ADARB2: variants seen among roughly 807,000 people sequenced by gnomAD.
The protein encoded by ADARB2 is adenosine deaminase RNA specific B2 (inactive).
A neutral mutation model predicts 62.2 loss-of-function variants in ADARB2; 25 were observed. That is an observed-to-expected ratio of 0.40 (90% CI 0.29 to 0.56). The LOEUF (loss-of-function observed/expected upper bound fraction) is 0.56, where lower values mean the gene tolerates loss of function less well. Among genes scored for constraint, ADARB2 ranks in the 20% least tolerant of loss-of-function variants. The pLI, the probability that ADARB2 is intolerant of heterozygous loss-of-function variation, is 0.43. For missense variants in ADARB2, 1,071 were observed against 1,077.4 expected (o/e 0.99, Z 0.08); for synonymous variants, 572 against 500.8 (o/e 1.14, Z -1.90).
chr10:1,470,601 C>T (rs928267575), intron 1 of ADARB2, among the ~76,000 whole-genome samples: 1 of 152,242 alleles, frequency 6.6e-6, no homozygotes, highest in Non-Finnish European at 1.5e-5. Context: ...TGCATAATTT[C>T]AGTCTTTATT....
At chr10:1,294,843 T>A (rs1333855087) in intron 3 of ADARB2, among the ~76,000 whole-genome samples, 2 of 152,240 alleles carry the variant, frequency 1.3e-5, no homozygotes, top group Non-Finnish European at 2.9e-5. Flanking sequence ...CTCTCAGCCC[T>A]GCCTGCAAAT....
intron 1 of ADARB2, among the ~76,000 whole-genome samples, chr10:1,656,726 T>C (rs1367767594): frequency 6.6e-6 from 1 of 152,202 alleles, no homozygotes; most frequent in Admixed American, 6.5e-5. Context: ...AGAACTGACT[T>C]CTTTAGGCCA....
chr10:1,623,162 G>C (rs1229056319), intron 1 of ADARB2, among the ~76,000 whole-genome samples: 1 of 152,164 alleles, frequency 6.6e-6, no homozygotes, highest in Non-Finnish European at 1.5e-5. Context: ...GTTGCCCAGG[G>C]CTGGGGGTGG....
At chr10:1,707,057 G>T (rs1242024544) in intron 1 of ADARB2, among the ~76,000 whole-genome samples, 1 of 152,230 alleles carries the variant, frequency 6.6e-6, no homozygotes. Flanking sequence ...AAAAGTTTAG[G>T]ATTTTTATTT....
intron 1 of ADARB2, among the ~76,000 whole-genome samples, chr10:1,388,675 C>T (rs149521360): frequency 2.0e-5 from 3 of 152,034 alleles, no homozygotes; most frequent in African/African-American, 7.2e-5. Flanking sequence ...CATGCCAAAC[C>T]TCTACACTCA....
chr10:1,244,632 G>A (rs1256582044), intron 4 of ADARB2, among the ~76,000 whole-genome samples: 2 of 152,234 alleles, frequency 1.3e-5, no homozygotes, highest in African/African-American at 2.4e-5. Context: ...CAACACAGGA[G>A]ACGCGAAGCC....
At chr10:1,619,289 T>TA (rs59098282) in intron 1 of ADARB2, among the ~76,000 whole-genome samples, 3,396 of 115,474 alleles carry the variant, frequency 0.029, 73 homozygotes, top group Admixed American at 0.046. Context: ...ACATTGAAAG[T>TA]AAAAAAAAAA....
chr10:1,378,063 T>C (rs1832450158), intron 2 of ADARB2, among the ~76,000 whole-genome samples: 1 of 152,122 alleles, frequency 6.6e-6, no homozygotes, highest in South Asian at 2.1e-4. Flanking sequence ...AAAGGAGCCA[T>C]TTGCCAGGTG....
chr10:1,188,374 C>G (rs1741290925), intron 8 of ADARB2: 1 of 152,284 alleles, frequency 6.6e-6, no homozygotes, highest in Admixed American at 6.5e-5. Flanking sequence ...TTACAATCAC[C>G]TAATTGTGTC....
intron 3 of ADARB2, among the ~76,000 whole-genome samples, chr10:1,349,836 G>A (rs946709367): frequency 1.3e-5 from 2 of 152,076 alleles, no homozygotes; most frequent in Non-Finnish European, 2.9e-5. Context: ...ACTGATGTCT[G>A]ATCTCCGTGG....
At chr10:1,392,409 C>T (rs1832578003) in intron 1 of ADARB2, among the ~76,000 whole-genome samples, 1 of 152,162 alleles carries the variant, frequency 6.6e-6, no homozygotes, top group African/African-American at 2.4e-5. Flanking sequence ...TCAGGCTTGA[C>T]CCACTTTCTC....
In ADARB2 at chr10:1,528,208, G is replaced by A. The variant is rs1029994048; in HGVS notation, c.101-149048C>T. On this transcript the variant is annotated intron_variant, in intron 1 of 9. Transcript: ENST00000381312. ...GCTTACTGCATTAATGTTACTGTGC[G>A]ATACAGCAGCTCCGCGCCTCCTGTG... Among the ~76,000 whole-genome samples the A allele has an allele frequency of 2.6e-5, 4 of 152,312 alleles. No homozygotes were observed. The East Asian group carries it at 7.7e-4, about 29-fold the overall frequency.
intron 1 of ADARB2, among the ~76,000 whole-genome samples, chr10:1,706,614 T>A (rs1834892784): frequency 6.6e-6 from 1 of 152,214 alleles, no homozygotes; most frequent in Non-Finnish European, 1.5e-5. Context: ...CAGTCCTACT[T>A]TTCAACAAAC....
At chr10:1,412,902 G>T (rs914517195) in intron 1 of ADARB2, among the ~76,000 whole-genome samples, 1 of 152,190 alleles carries the variant, frequency 6.6e-6, no homozygotes, top group East Asian at 1.9e-4. Flanking sequence ...TGACTTTAAC[G>T]TAGGTTCCTT....
Position 1,612,600 on chromosome 10 carries a change from G to A in ADARB2, c.100+124451C>T, listed in dbSNP as rs189473501. Among the ~76,000 whole-genome samples, 13 of 152,322 alleles carry A rather than the reference G, an allele frequency of 8.5e-5. No homozygotes were observed. The East Asian group carries it at 2.5e-3, about 29-fold the overall frequency. On this transcript the variant is annotated intron_variant, in intron 1 of 9. Transcript: ENST00000381312. ...TTAGGGTTGAAAGTCATTAAATAAC[G>A]TGTCCAAATCACCTGCCAGTGATAG...
At chr10:1,216,876 G>GA in intron 7 of ADARB2, 75 bp downstream of exon 7, 1 of 1,550,662 alleles carries the variant, frequency 6.4e-7, no homozygotes, top group Non-Finnish European at 8.7e-7. Flanking sequence ...CCAGAAGTGG[G>GA]ATGCAGGGAG....
At chr10:1,405,789 G>A (rs1006121770) in intron 1 of ADARB2, among the ~76,000 whole-genome samples, 49 of 151,272 alleles carry the variant, frequency 3.2e-4, no homozygotes, top group African/African-American at 1.1e-3. Flanking sequence ...TAAACCCTTC[G>A]CCAAGATGCA....
At chr10:1,710,925 G>T (rs952178869) in intron 1 of ADARB2, among the ~76,000 whole-genome samples, 6 of 151,954 alleles carry the variant, frequency 3.9e-5, no homozygotes, top group Admixed American at 2.0e-4. Context: ...GGTCCTGCAG[G>T]GTCAAATGTA....
intron 1 of ADARB2, among the ~76,000 whole-genome samples, chr10:1,622,120 T>A (rs1833710792): frequency 6.6e-6 from 1 of 152,198 alleles, no homozygotes; most frequent in African/African-American, 2.4e-5. Context: ...TTTCAAGAAA[T>A]GGTTCTGGTT....
Sources: gnomAD v4.1 joint callset for allele counts (sites outside exome capture counted in the v4.1 genomes callset) on GRCh38, gnomAD v4.1.1 for gene constraint, MANE v1.5 for transcripts, NCBI Gene and HGNC (gene_info 2026-07-23, HGNC 2026-07-21) for gene names.